PPFIA2: variants seen among roughly 807,000 people sequenced by gnomAD.
PPFIA2 encodes the protein liprin-alpha-2.
In PPFIA2, 46 loss-of-function variants were observed where a neutral mutation model predicts 175.5. The observed-to-expected ratio is 0.26, with a 90% CI of 0.21 to 0.34. The LOEUF is 0.34. Among genes scored for constraint, PPFIA2 ranks in the 10% least tolerant of loss-of-function variants. The probability of loss-of-function intolerance (pLI) is 1.00; values close to 1 mark genes in which losing one functional copy is unlikely to be tolerated. For synonymous variants in PPFIA2, 568 were observed against 511.4 expected (o/e 1.11, Z -1.49); for missense variants, 1,179 against 1,506.1 (o/e 0.78, Z 3.60).
At chr12:81,629,327 T>A (rs1394830938) in intron 4 of PPFIA2, among the ~76,000 whole-genome samples, 1 of 152,192 alleles carries the variant, frequency 6.6e-6, no homozygotes, top group Non-Finnish European at 1.5e-5. Context: ...GCCTTTAAGA[T>A]TAAAAATAAC....
chr12:81,300,243 C>T (rs2047482992), intron 22 of PPFIA2, among the ~76,000 whole-genome samples: 1 of 152,050 alleles, frequency 6.6e-6, no homozygotes, highest in Non-Finnish European at 1.5e-5. Context: ...ATATACTTGG[C>T]CAGGAATATA....
At chr12:81,568,793 A>C (rs2071887252) in intron 4 of PPFIA2, among the ~76,000 whole-genome samples, 1 of 152,158 alleles carries the variant, frequency 6.6e-6, no homozygotes, top group Admixed American at 6.6e-5. Context: ...GATGGAGAGG[A>C]ATAGACTCTC....
In PPFIA2 at chr12:81,438,427, G is replaced by A. The variant is rs553535188; in HGVS notation, c.645+1545C>T. Among the ~76,000 whole-genome samples, 7 of 152,230 alleles carry A rather than the reference G, an allele frequency of 4.6e-5. No individual in the cohort carries two copies. The South Asian group carries it at 1.2e-3, about 27-fold the overall frequency. On this transcript the variant is annotated intron_variant, in intron 7 of 32. Transcript: ENST00000549396. ...AGAGAGGTTGGAGTGAGCCAAGATTGCACCACTGCACTCCAGCCTGGGTGA... is the reference window on the plus strand; with the variant it reads ...AGAGAGGTTGGAGTGAGCCAAGATTACACCACTGCACTCCAGCCTGGGTGA...
At chr12:81,745,528 T>C (rs2082927986) in intron 3 of PPFIA2, among the ~76,000 whole-genome samples, 1 of 152,150 alleles carries the variant, frequency 6.6e-6, no homozygotes. Flanking sequence ...ATCTGTGGCA[T>C]TCTCAAAGAA....
In PPFIA2 at chr12:81,688,719, C is replaced by T. The variant is rs1383857934; in HGVS notation, c.250-11875G>A. Among the ~76,000 whole-genome samples the T allele has an allele frequency of 2.7e-5, 4 of 149,658 alleles. No individual in the cohort carries two copies. The Admixed American group carries it at 2.7e-4, about 10-fold the overall frequency. On this transcript the variant is annotated intron_variant, in intron 3 of 32. Coordinates refer to ENST00000549396, the MANE Select transcript of PPFIA2 (RefSeq NM_003625.5). ...TTCCTCTGACTGTGGTACCTTAAGG[C>T]AATTTATCAGTCTGATTCATAAATA...
At chr12:81,574,135 G>A (rs2073071451) in intron 4 of PPFIA2, among the ~76,000 whole-genome samples, 1 of 151,762 alleles carries the variant, frequency 6.6e-6, no homozygotes, top group Admixed American at 6.6e-5. Flanking sequence ...ATTTTCTGTA[G>A]ACACCCAGGA....
intron 3 of PPFIA2, among the ~76,000 whole-genome samples, chr12:81,725,193 C>G (rs1279155599): frequency 6.6e-6 from 1 of 150,752 alleles, no homozygotes; most frequent in Non-Finnish European, 1.5e-5. Flanking sequence ...TTTAGAAAAA[C>G]TTACATAATA....
At chr12:81,332,974 T>C (rs2056426579) in intron 21 of PPFIA2, among the ~76,000 whole-genome samples, 1 of 152,192 alleles carries the variant, frequency 6.6e-6, no homozygotes, top group Non-Finnish European at 1.5e-5. Context: ...TATGGTGTTT[T>C]AGTTGTATAA....
At chr12:81,514,584 A>G (rs2062178511) in intron 4 of PPFIA2, among the ~76,000 whole-genome samples, 1 of 151,896 alleles carries the variant, frequency 6.6e-6, no homozygotes, top group Non-Finnish European at 1.5e-5. Flanking sequence ...ATCCACATGC[A>G]AGTAAACTCA....
chr12:81,475,718 ATTG>A (rs1392860160), intron 4 of PPFIA2, among the ~76,000 whole-genome samples: 3 of 151,990 alleles, frequency 2.0e-5, no homozygotes, highest in East Asian at 1.9e-4. Flanking sequence ...TCTTTTTGTT[ATTG>A]TTGTTGTTTT....
At chr12:81,462,272 TATATG>T (rs1241541135) in intron 4 of PPFIA2, among the ~76,000 whole-genome samples, 2 of 134,360 alleles carry the variant, frequency 1.5e-5, no homozygotes, top group African/African-American at 6.2e-5. Context: ...TATATATATA[TATATG>T]TTAGAAAACA....
At chr12:81,346,689 A>C (rs1349724658) in intron 18 of PPFIA2, among the ~76,000 whole-genome samples, 4 of 151,628 alleles carry the variant, frequency 2.6e-5, no homozygotes, top group Admixed American at 6.6e-5. Context: ...TCTAAAACAA[A>C]ATTAGGAATT....
intron 27 of PPFIA2, among the ~76,000 whole-genome samples, chr12:81,278,979 C>G (rs1307004267): frequency 6.6e-6 from 1 of 152,076 alleles, no homozygotes; most frequent in African/African-American, 2.4e-5. Context: ...TTGCATTAGG[C>G]AGGTGTTGTG....
At chr12:81,706,668 CTCAGGGG>C (rs1183738981) in intron 3 of PPFIA2, among the ~76,000 whole-genome samples, 1 of 152,108 alleles carries the variant, frequency 6.6e-6, no homozygotes, top group African/African-American at 2.4e-5. Context: ...AGTTAGGCTG[CTCAGGGG>C]TCAGGGGTCA....
intron 22 of PPFIA2, among the ~76,000 whole-genome samples, chr12:81,302,375 T>C (rs563262332): frequency 6.6e-6 from 1 of 152,294 alleles, no homozygotes; most frequent in East Asian, 1.9e-4. Flanking sequence ...AATAGTTCTG[T>C]TCTATGAACA....
At chr12:81,560,298 GAGAC>G (rs1386154499) in intron 4 of PPFIA2, among the ~76,000 whole-genome samples, 3 of 151,970 alleles carry the variant, frequency 2.0e-5, no homozygotes, top group Non-Finnish European at 4.4e-5. Flanking sequence ...GCTAGAGAGA[GAGAC>G]AGAGAGAACA....
At chr12:81,273,080 A>AAT (rs1555203708) in intron 28 of PPFIA2, among the ~76,000 whole-genome samples, 36 of 151,902 alleles carry the variant, frequency 2.4e-4, no homozygotes, top group African/African-American at 8.4e-4. Flanking sequence ...ATGACCTTTG[A>AAT]TTTTTTTTAC....
At chr12:81,611,487 G>A (rs1168069443) in intron 4 of PPFIA2, among the ~76,000 whole-genome samples, 1 of 152,136 alleles carries the variant, frequency 6.6e-6, no homozygotes, top group Non-Finnish European at 1.5e-5. Flanking sequence ...TGTCTGTTGT[G>A]TTCCTGTGCT....
At chr12:81,589,296 A>G (rs762880441) in intron 4 of PPFIA2, among the ~76,000 whole-genome samples, 2 of 152,046 alleles carry the variant, frequency 1.3e-5, no homozygotes, top group African/African-American at 4.8e-5. Context: ...ATTGATTTCT[A>G]TGGTTGCTAT....
Sources: allele counts gnomAD v4.1 joint callset (sites outside exome capture counted in the v4.1 genomes callset), GRCh38; gene constraint gnomAD v4.1.1; transcripts MANE v1.5; gene names NCBI Gene and HGNC (gene_info 2026-07-23, HGNC 2026-07-21).